Variants in ANXA6 observed in about 807,000 individuals in gnomAD.
The protein encoded by ANXA6 is 67 kDa calelectrin.
In ANXA6, 71 loss-of-function variants were observed where a neutral mutation model predicts 95.4. The ratio of observed to expected loss-of-function variants is 0.74; its 90% CI spans 0.61 to 0.91. The LOEUF (loss-of-function observed/expected upper bound fraction) is 0.91. Ranked by LOEUF, ANXA6 falls within the 40% of genes least tolerant of loss-of-function variation. The pLI, the probability that ANXA6 is intolerant of heterozygous loss-of-function variation, is 0.00. For missense variants in ANXA6, 830 were observed against 876.4 expected (o/e 0.95, Z 0.67); for synonymous variants, 289 against 315.9 (o/e 0.91, Z 0.90).
chr5:151,108,968 A>G (rs1007268594), intron 22 of ANXA6, among the ~76,000 whole-genome samples: 6 of 152,210 alleles, frequency 3.9e-5, no homozygotes, highest in Non-Finnish European at 1.5e-5. Flanking sequence ...GATAACACTC[A>G]GGAAACACTC....
rs192794613 is a variant in ANXA6, at chr5:151,148,324, C to A, written c.-25-398G>T. Among the ~76,000 whole-genome samples the A allele has an allele frequency of 4.6e-5, 7 of 152,254 alleles. No homozygotes were observed. The East Asian group carries it at 1.2e-3, about 25-fold the overall frequency. ...AGGCTGGAGCATCGCAATAAATGAG[C>A]CAAGATCACACAGCTTAGAACTGAA... On this transcript the variant is annotated intron_variant, in intron 1 of 25. Transcript: ENST00000354546.
rs913376911 is a variant in ANXA6, at chr5:151,139,388, C to T, written c.169G>A (p.Glu57Lys). Residue 57 changes from glutamate (E) to lysine (K), a missense_variant, in exon 4 of 26, where the codon GAG becomes AAG. By Grantham distance (56) the Glu-to-Lys change is moderately conservative. Coordinates refer to ENST00000354546, the MANE Select transcript of ANXA6 (RefSeq NM_001155.5). ...ITSRSNRQRQ[E>K]VCQSYKSLYG... is the part of the protein sequence containing the mutation. ...AGGGACTTGTAGCTCTGGCAGACCT[C>T]CTGCCTCTGCCTGTTGCTCCGTGAG... 1.2e-6 allele frequency: 2 copies of T among 1,613,458 alleles called. No homozygotes were observed. Among genetic ancestry groups the T allele is most frequent in the South Asian group, 1.1e-5 (1 of 91,046 alleles).
intron 14 of ANXA6, among the ~76,000 whole-genome samples, 151 bp from the exon 15 acceptor site, chr5:151,124,518 C>A (rs1330138588): frequency 7.9e-5 from 12 of 151,722 alleles, no homozygotes; most frequent in Admixed American, 7.9e-4. Flanking sequence ...CCACAGCAGA[C>A]AGACCCTGCA....
chr5:151,107,036 G>C (rs1206166704), intron 23 of ANXA6, among the ~76,000 whole-genome samples: 1 of 152,182 alleles, frequency 6.6e-6, no homozygotes, highest in African/African-American at 2.4e-5. Flanking sequence ...TTGGAGGTAG[G>C]CAGCCTGTGG....
intron 20 of ANXA6, among the ~76,000 whole-genome samples, chr5:151,111,633 G>A (rs1422750207): frequency 1.3e-5 from 2 of 152,210 alleles, no homozygotes; most frequent in Admixed American, 1.3e-4. Flanking sequence ...CTGTTGCCCA[G>A]GCTGGAGTAC....
At chr5:151,119,966 G>A (rs138078454) in intron 17 of ANXA6, among the ~76,000 whole-genome samples, 233 of 152,172 alleles carry the variant, frequency 1.5e-3, no homozygotes, top group African/African-American at 5.1e-3. Flanking sequence ...TGCAACCTCC[G>A]CCTCCCAGAC....
intron 19 of ANXA6, 139 bp from the exon 20 acceptor site, chr5:151,117,319 A>C (rs1044741371): frequency 3.5e-5 from 27 of 773,212 alleles, no homozygotes; most frequent in Non-Finnish European, 4.5e-5. Context: ...TCCTGCCTCT[A>C]TAAGGTAGGC....
Position 151,128,229 on chromosome 5 carries a change from G to A in ANXA6, c.929C>T (p.Ser310Phe). 1 of 1,611,392 alleles carries A rather than the reference G, an allele frequency of 6.2e-7. No homozygotes were observed. Among genetic ancestry groups the A allele is most frequent in the Admixed American group, 1.7e-5 (1 of 59,752 alleles). ...CAGCAGAGTCTTCTTGTACTCGCCA[G>A]AGGTGTCATTCTGAAGAGAAAGAAA... is the stretch of plus-strand genomic sequence containing the variant. ...SLYSMIKNDT[S>F]GEYKKTLLKL... is the part of the protein sequence containing the mutation. Residue 310 changes from serine to phenylalanine, a missense_variant, in exon 13 of 26, where the codon TCT (serine) becomes TTT (phenylalanine). By Grantham distance (155) the Ser-to-Phe change is radical. Transcript: ENST00000354546.
chr5:151,123,663 G>A (rs1765231922), intron 15 of ANXA6, among the ~76,000 whole-genome samples: 1 of 147,592 alleles, frequency 6.8e-6, no homozygotes, highest in African/African-American at 2.5e-5. Context: ...GCTCAGGAGG[G>A]TGATGGACTT....
intron 2 of ANXA6, among the ~76,000 whole-genome samples, chr5:151,141,296 A>G (rs1765829621): frequency 6.6e-6 from 1 of 152,188 alleles, no homozygotes; most frequent in African/African-American, 2.4e-5. Flanking sequence ...CATTTGTGCT[A>G]GGCCCTACAC....
chr5:151,110,315 C>T (rs966263231), intron 21 of ANXA6, among the ~76,000 whole-genome samples: 1 of 152,234 alleles, frequency 6.6e-6, no homozygotes. Flanking sequence ...TGATTGTCTT[C>T]TAGCTAGCTA....
At chr5:151,143,909 G>A (rs1046979619) in intron 2 of ANXA6, among the ~76,000 whole-genome samples, 16 of 152,114 alleles carry the variant, frequency 1.1e-4, no homozygotes, top group African/African-American at 2.2e-4. Flanking sequence ...AGGGGAAGGC[G>A]AAGAGGAAGA....
intron 2 of ANXA6, among the ~76,000 whole-genome samples, chr5:151,140,853 T>C (rs540992548): frequency 1.3e-5 from 2 of 152,328 alleles, no homozygotes; most frequent in African/African-American, 4.8e-5. Context: ...GAAGAGCCAC[T>C]TGTGGGAGGT....
At chr5:151,113,488 C>T (rs375998858) in intron 20 of ANXA6, among the ~76,000 whole-genome samples, 27 of 152,078 alleles carry the variant, frequency 1.8e-4, no homozygotes, top group Admixed American at 6.5e-4. Context: ...CTAAATAAAA[C>T]GGTATCATTT....
At chr5:151,151,216 C>A in intron 1 of ANXA6, 1 of 152,434 alleles carries the variant, frequency 6.6e-6, no homozygotes, top group Non-Finnish European at 1.5e-5. Flanking sequence ...TGGGAAGCTC[C>A]TGAGCTAATC....
intron 18 of ANXA6, 66 bp from the exon 19 acceptor site, chr5:151,117,903 T>G (rs1765050116): frequency 7.4e-7 from 1 of 1,349,676 alleles, no homozygotes; most frequent in Non-Finnish European, 1.1e-6. Context: ...GGGAGGGAGG[T>G]CCAGGAAACT....
intron 10 of ANXA6, among the ~76,000 whole-genome samples, chr5:151,131,593 TG>T (rs1413680705): frequency 6.6e-6 from 1 of 152,184 alleles, no homozygotes; most frequent in African/African-American, 2.4e-5. Flanking sequence ...GGGTAGGGTC[TG>T]GGGCGAAGGA....
chr5:151,147,593 A>C (rs1047784587), intron 2 of ANXA6, among the ~76,000 whole-genome samples: 1 of 152,186 alleles, frequency 6.6e-6, no homozygotes, highest in Non-Finnish European at 1.5e-5. Flanking sequence ...GAATCTTGAC[A>C]CTATCATTTG....
intron 1 of ANXA6, among the ~76,000 whole-genome samples, chr5:151,148,176 A>G (rs1043773276): frequency 2.6e-5 from 4 of 151,904 alleles, no homozygotes; most frequent in Non-Finnish European, 5.9e-5. Flanking sequence ...CATGGCACTG[A>G]CCCACCACTG....
Sources: allele counts gnomAD v4.1 joint callset (sites outside exome capture counted in the v4.1 genomes callset), GRCh38; gene constraint gnomAD v4.1.1; transcripts MANE v1.5; gene names NCBI Gene and HGNC (gene_info 2026-07-23, HGNC 2026-07-21).